The following LRRTM4 variants were observed in gnomAD, a reference collection of about 807,000 sequenced individuals.
LRRTM4 encodes leucine-rich repeat transmembrane neuronal protein 4.
Under a neutral mutation model 47.6 loss-of-function variants are expected in LRRTM4, and 25 were observed. The ratio of observed to expected loss-of-function variants is 0.53; its 90% CI spans 0.38 to 0.73. LRRTM4 has a LOEUF of 0.73. Among genes scored for constraint, LRRTM4 ranks in the 30% least tolerant of loss-of-function variants. LRRTM4 has a pLI of 0.00. For missense variants in LRRTM4, 638 were observed against 713.4 expected, an observed-to-expected ratio of 0.89 and a Z score of 1.20; for synonymous variants, 311 against 269.5, an observed-to-expected ratio of 1.15 and a Z score of -1.51.
intron 3 of LRRTM4, among the ~76,000 whole-genome samples, chr2:77,503,865 T>A (rs1256399360): frequency 1.3e-5 from 2 of 151,624 alleles, no homozygotes; most frequent in African/African-American, 2.4e-5. Flanking sequence ...AAGCAAAGAA[T>A]TTTTTAAAAA....
intron 3 of LRRTM4, among the ~76,000 whole-genome samples, chr2:77,176,540 A>T (rs765453944): frequency 1.3e-5 from 2 of 152,112 alleles, no homozygotes; most frequent in African/African-American, 2.4e-5. Flanking sequence ...TTTTCCTGAC[A>T]ATTCCTCTGG....
chr2:76,913,724 C>T (rs778246268), intron 3 of LRRTM4, among the ~76,000 whole-genome samples: 25 of 151,542 alleles, frequency 1.6e-4, no homozygotes, highest in East Asian at 3.9e-4. Context: ...TTTTCATTAG[C>T]GATAGGGTTT....
intron 3 of LRRTM4, among the ~76,000 whole-genome samples, chr2:76,994,501 A>G (rs1677129694): frequency 6.6e-6 from 1 of 151,626 alleles, no homozygotes; most frequent in South Asian, 2.1e-4. Flanking sequence ...TGCCATGAGC[A>G]ATAAAATCCC....
At chr2:77,207,340 C>CAT (rs1285500508) in intron 3 of LRRTM4, among the ~76,000 whole-genome samples, 1 of 90,026 alleles carries the variant, frequency 1.1e-5, no homozygotes, top group African/African-American at 6.7e-5. Context: ...TTCCTAATTT[C>CAT]ATATATGTGT....
At chr2:77,306,803 T>C (rs1253106964) in intron 3 of LRRTM4, among the ~76,000 whole-genome samples, 2 of 152,002 alleles carry the variant, frequency 1.3e-5, no homozygotes, top group South Asian at 2.1e-4. Context: ...TTATAATTAA[T>C]GAGGTGAAAT....
intron 3 of LRRTM4, among the ~76,000 whole-genome samples, chr2:76,837,852 C>T (rs919529714): frequency 4.0e-5 from 6 of 151,660 alleles, no homozygotes; most frequent in African/African-American, 1.5e-4. Context: ...AACCAAACAC[C>T]GCACGTTCTC....
At chr2:77,350,094 G>A (rs952419517) in intron 3 of LRRTM4, among the ~76,000 whole-genome samples, 18 of 150,416 alleles carry the variant, frequency 1.2e-4, no homozygotes, top group African/African-American at 3.4e-4. Context: ...AGGCCGAGGC[G>A]GGTGGATCAT....
At chr2:77,456,545 C>T (rs1264940135) in intron 3 of LRRTM4, among the ~76,000 whole-genome samples, 1 of 152,042 alleles carries the variant, frequency 6.6e-6, no homozygotes, top group Admixed American at 6.6e-5. Context: ...ATTCTCTCTC[C>T]AACATCCTCA....
At chr2:76,801,776 G>C (rs183226538) in intron 3 of LRRTM4, among the ~76,000 whole-genome samples, 1 of 151,984 alleles carries the variant, frequency 6.6e-6, no homozygotes, top group Non-Finnish European at 1.5e-5. Flanking sequence ...CATTCACCAC[G>C]ATCAAATGAG....
At chr2:77,246,559 C>A (rs966443886) in intron 3 of LRRTM4, among the ~76,000 whole-genome samples, 4 of 152,042 alleles carry the variant, frequency 2.6e-5, no homozygotes, top group Non-Finnish European at 4.4e-5. Flanking sequence ...TTAGAGGCTA[C>A]CAAATTGGAC....
intron 3 of LRRTM4, among the ~76,000 whole-genome samples, chr2:77,244,159 C>G (rs1237344416): frequency 3.8e-5 from 5 of 133,020 alleles, no homozygotes; most frequent in Non-Finnish European, 8.0e-5. Context: ...TTTTCTTAAT[C>G]CAGTCTATCA....
intron 3 of LRRTM4, among the ~76,000 whole-genome samples, chr2:77,258,177 G>A (rs1675822604): frequency 6.6e-6 from 1 of 151,362 alleles, no homozygotes; most frequent in Non-Finnish European, 1.5e-5. Context: ...ATAACTAAAG[G>A]TAAAAATAGC....
chr2:77,354,897 C>G (rs1671913787), intron 3 of LRRTM4, among the ~76,000 whole-genome samples: 1 of 152,026 alleles, frequency 6.6e-6, no homozygotes, highest in Non-Finnish European at 1.5e-5. Flanking sequence ...TTTTCTCTGT[C>G]CCTCATTGGT....
At chr2:77,451,615 G>A (rs1676257099) in intron 3 of LRRTM4, among the ~76,000 whole-genome samples, 2 of 152,100 alleles carry the variant, frequency 1.3e-5, no homozygotes, top group Non-Finnish European at 2.9e-5. Context: ...TAAATTCTAG[G>A]TGCTATTCTA....
intron 3 of LRRTM4, among the ~76,000 whole-genome samples, chr2:77,300,667 T>C (rs921971358): frequency 6.6e-6 from 1 of 152,212 alleles, no homozygotes; most frequent in African/African-American, 2.4e-5. Context: ...TCTTCATGTA[T>C]TGATTAATTA....
intron 3 of LRRTM4, among the ~76,000 whole-genome samples, chr2:76,806,389 C>G (rs1428985146): frequency 1.3e-5 from 2 of 152,012 alleles, no homozygotes; most frequent in Non-Finnish European, 2.9e-5. Flanking sequence ...CGAGACCAGC[C>G]TAACCAACGT....
intron 3 of LRRTM4, among the ~76,000 whole-genome samples, chr2:77,041,958 C>A (rs981700951): frequency 1.3e-5 from 2 of 150,946 alleles, no homozygotes; most frequent in Non-Finnish European, 3.0e-5. Flanking sequence ...TTTCTTTATG[C>A]TCATATTGAG....
chr2:76,793,785 C>T (rs1675106451), intron 3 of LRRTM4, among the ~76,000 whole-genome samples: 1 of 152,082 alleles, frequency 6.6e-6, no homozygotes, highest in African/African-American at 2.4e-5. Context: ...ATCCAGGAGG[C>T]AAAGTGCTGA....
chr2:77,511,806 T>C (rs1456224545), intron 3 of LRRTM4, among the ~76,000 whole-genome samples: 2 of 152,136 alleles, frequency 1.3e-5, no homozygotes, highest in African/African-American at 4.8e-5. Flanking sequence ...CCCAAACTTA[T>C]GTTTACAATA....
Sources: allele counts gnomAD v4.1 joint callset (sites outside exome capture counted in the v4.1 genomes callset), GRCh38; gene constraint gnomAD v4.1.1; transcripts MANE v1.5; gene names NCBI Gene and HGNC (gene_info 2026-07-23, HGNC 2026-07-21).